Variants in ARHGEF6 observed in about 807,000 individuals in gnomAD.
ARHGEF6 encodes the protein Rac/Cdc42 guanine nucleotide exchange factor 6.
In ARHGEF6, 9 loss-of-function variants were observed where a neutral mutation model predicts 70.3. The ratio of observed to expected loss-of-function variants is 0.13; its 90% CI spans 0.08 to 0.22. The LOEUF (loss-of-function observed/expected upper bound fraction) is 0.22. Among genes scored for constraint, ARHGEF6 ranks in the 10% least tolerant of loss-of-function variants. ARHGEF6 has a pLI of 1.00. For synonymous variants in ARHGEF6, 201 were observed against 207.8 expected, an observed-to-expected ratio of 0.97 and a Z score of 0.28; for missense variants, 470 against 563.0, an observed-to-expected ratio of 0.83 and a Z score of 1.67.
Position 136,668,119 on chromosome X carries a change from C to G in ARHGEF6, c.2241G>C (p.Arg747Ser). 8.3e-7 allele frequency: 1 copy of G among 1,211,361 alleles called. No homozygotes were observed. The highest frequency in any genetic ancestry group is 1.1e-6 in the Non-Finnish European group (1 of 895,227). Residue 747 changes from arginine (R) to serine (S), a missense_variant, in exon 22 of 22, where the codon AGG (arginine) becomes AGC (serine). Coordinates refer to ENST00000250617, the MANE Select transcript of ARHGEF6 (RefSeq NM_004840.3). ...QCLEEELKSR[R>S]DLEKLVRRLL... ...GCCTCCGCACCAGCTTTTCTAGGTC[C>G]CTTCTTGATTTCAGTTCTTCTTCCA...
chrX:136,777,248 A>G (rs2077413053), intron 2 of ARHGEF6, among the ~76,000 whole-genome samples: 1 of 111,749 alleles, frequency 8.9e-6, no homozygotes, highest in Admixed American at 9.5e-5. Flanking sequence ...AAACAAAAAC[A>G]AAAAACAAAT....
intron 6 of ARHGEF6, among the ~76,000 whole-genome samples, chrX:136,715,308 C>T (rs2076725833): frequency 1.8e-5 from 2 of 110,783 alleles, no homozygotes; most frequent in African/African-American, 6.6e-5. Flanking sequence ...AAAATGAAAA[C>T]ACAACATACA....
intron 12 of ARHGEF6, among the ~76,000 whole-genome samples, chrX:136,685,470 T>C (rs779086743): frequency 1.1e-3 from 120 of 110,057 alleles, no homozygotes; most frequent in African/African-American, 3.4e-3. Context: ...CATTTGACTT[T>C]GATGGAAGAA....
chrX:136,779,494 A>G lies in ARHGEF6; in HGVS notation c.169T>C (p.Cys57Arg), dbSNP rs147131853. 3.5e-4 allele frequency: 423 copies of G among 1,203,906 alleles called. 1 individual carries two copies. The African/African-American group carries it at 6.4e-3, about 18-fold the overall frequency. Residue 57 changes from cysteine (C) to arginine (R), a missense_variant, in exon 2 of 22, where the codon TGT becomes CGT. Physicochemically the swap from Cys to Arg is radical, Grantham distance 180. Coordinates refer to ENST00000250617, the MANE Select transcript of ARHGEF6 (RefSeq NM_004840.3). Reference protein sequence around the residue: ...RLMPGSVEKFCLDPQTEADCI... With the variant: ...RLMPGSVEKFRLDPQTEADCI... ...TCAGCTTCAGTTTGGGGATCCAGAC[A>G]AAACTAGAGGAACACAGTGAAATGT...
At chrX:136,763,366 C>T (rs2077281674) in intron 2 of ARHGEF6, among the ~76,000 whole-genome samples, 1 of 112,249 alleles carries the variant, frequency 8.9e-6, no homozygotes, top group Admixed American at 9.4e-5. Flanking sequence ...GGGCCTGAGG[C>T]AGTGTCCTAT....
intron 5 of ARHGEF6, among the ~76,000 whole-genome samples, chrX:136,738,559 C>G (rs758972045): frequency 3.6e-4 from 41 of 112,713 alleles, no homozygotes; most frequent in Non-Finnish European, 7.3e-4. Flanking sequence ...CCATAGCATA[C>G]TGTATTTAGC....
chrX:136,704,632 AAG>A (rs1349445136), intron 9 of ARHGEF6, among the ~76,000 whole-genome samples: 1 of 111,975 alleles, frequency 8.9e-6, no homozygotes, highest in Non-Finnish European at 1.9e-5. Flanking sequence ...GGTGGCAGGA[AAG>A]AGAGCAAGAG....
intron 4 of ARHGEF6, 64 bp from the exon 5 acceptor site, chrX:136,743,850 A>G: frequency 9.6e-7 from 1 of 1,037,496 alleles, no homozygotes; most frequent in African/African-American, 1.8e-5. Flanking sequence ...TAGAAATGAT[A>G]TGGATATAGG....
In ARHGEF6 at chrX:136,681,937, G is replaced by A; in HGVS notation, c.1511C>T (p.Thr504Ile). ...GKIPIAGTVVTRLDEIEGNDC... is the reference protein window; with the variant it reads ...GKIPIAGTVVIRLDEIEGNDC... ...ATTCCCTTCAATTTCATCTAATCTA[G>A]TCACCACCGTTCCTGCTATTGGTAT... Residue 504 changes from threonine to isoleucine, a missense_variant, in exon 14 of 22, where the codon ACT becomes ATT. Transcript: ENST00000250617. 1 of 1,207,390 alleles carries A rather than the reference G, an allele frequency of 8.3e-7. No individual in the cohort carries two copies.
At chrX:136,668,533 C>CTTCTTCTTATTATTATTATTATTATTA (rs61661248) in intron 21 of ARHGEF6, among the ~76,000 whole-genome samples, 1 of 98,461 alleles carries the variant, frequency 1.0e-5, no homozygotes, top group African/African-American at 3.8e-5. Context: ...TCTTCTTCTT[C>CTTCTTCTTATTATTATTATTATTATTA]TTATTATTAT....
At position 136,685,728 on chromosome X, in the gene ARHGEF6, C is replaced by A. The variant is rs371126822; in HGVS notation, c.1341G>T (p.Leu447Phe). ...CTTGTGACATAAAAATCACATTTCC[C>A]AAGTTTTTAATATCTTCTCCTTCCC... ...QAWEGEDIKN[L>F]GNVIFMSQVM... Residue 447 changes from leucine to phenylalanine, a missense_variant, in exon 12 of 22, where the codon TTG becomes TTT. Around this residue, in one of 3 missense-constraint regions of ARHGEF6, gnomAD observed 379 missense variants for 449.3 expected, o/e 0.84. Transcript: ENST00000250617. The A allele has an allele frequency of 3.3e-6, 4 of 1,209,188 alleles. No homozygotes were observed. The African/African-American group carries it at 7.0e-5, about 21-fold the overall frequency.
At chrX:136,690,876 T>C in intron 9 of ARHGEF6, 128 bp from the exon 10 acceptor site, 4 of 761,349 alleles carry the variant, frequency 5.3e-6, no homozygotes, top group Non-Finnish European at 7.6e-6. Flanking sequence ...CTAGTCCAAA[T>C]GCTGTTCAAT....
At chrX:136,712,101 G>A (rs1010882807) in intron 7 of ARHGEF6, among the ~76,000 whole-genome samples, 3 of 111,158 alleles carry the variant, frequency 2.7e-5, no homozygotes, top group African/African-American at 9.8e-5. Context: ...TTTTGTTGTT[G>A]TTGTTGTTGT....
intron 6 of ARHGEF6, among the ~76,000 whole-genome samples, chrX:136,715,259 G>C (rs185648456): frequency 1.8e-5 from 2 of 110,934 alleles, no homozygotes; most frequent in African/African-American, 6.6e-5. Flanking sequence ...GAAAGTCCAA[G>C]CGCGAGAATG....
At chrX:136,759,627 CAAA>C (rs34641907) in intron 2 of ARHGEF6, among the ~76,000 whole-genome samples, 1 of 54,529 alleles carries the variant, frequency 1.8e-5, no homozygotes. Flanking sequence ...AGGACTCTGT[CAAA>C]AAAAAAAAAA....
At chrX:136,670,420 T>C (rs756225188) in intron 20 of ARHGEF6, among the ~76,000 whole-genome samples, 26 of 111,644 alleles carry the variant, frequency 2.3e-4, no homozygotes, top group Non-Finnish European at 4.3e-4. Flanking sequence ...TCTGAATATC[T>C]TTTTGATCTG....
At chrX:136,733,130 TA>T (rs1198148045) in intron 5 of ARHGEF6, among the ~76,000 whole-genome samples, 13 of 105,983 alleles carry the variant, frequency 1.2e-4, no homozygotes, top group East Asian at 1.1e-3. Flanking sequence ...TCTTTTTTTT[TA>T]AAAAAAAAAC....
chrX:136,774,165 TATTTTAAGCATTGGTGCTTAA>T (rs1456094625), intron 2 of ARHGEF6: 5 of 111,417 alleles, frequency 4.5e-5, no homozygotes, highest in Non-Finnish European at 9.4e-5. Context: ...AGTGGAAGAA[TATTTTAAGCATTGGTGCTTAA>T]AGGAGTAAGC....
At chrX:136,674,016 G>A (rs1053405535) in intron 19 of ARHGEF6, among the ~76,000 whole-genome samples, 4 of 111,189 alleles carry the variant, frequency 3.6e-5, no homozygotes, top group East Asian at 2.8e-4. Flanking sequence ...ACAGGTGTGC[G>A]CCATCACACC....
Sources: allele counts gnomAD v4.1 joint callset (sites outside exome capture counted in the v4.1 genomes callset), GRCh38; gene constraint gnomAD v4.1.1; regional missense constraint gnomAD v4.1.1; transcripts MANE v1.5; gene names NCBI Gene and HGNC (gene_info 2026-07-23, HGNC 2026-07-21).